Variants in POLK observed in about 807,000 individuals in gnomAD.
POLK encodes the protein polymerase (DNA directed) kappa.
A neutral mutation model predicts 94.0 loss-of-function variants in POLK; 76 were observed. That is an observed-to-expected ratio of 0.81 (90% CI 0.67 to 0.98). The LOEUF (loss-of-function observed/expected upper bound fraction) is 0.98, where lower values mean the gene tolerates loss of function less well. POLK is among the 50% of genes least tolerant of loss of function. The pLI is 0.00. For missense variants in POLK, 954 were observed against 1,010.1 expected, an observed-to-expected ratio of 0.94 and a Z score of 0.75; for synonymous variants, 349 against 325.4, an observed-to-expected ratio of 1.07 and a Z score of -0.78.
chr5:75,595,864 T>G (rs1234523314), intron 12 of POLK, among the ~76,000 whole-genome samples: 1 of 151,832 alleles, frequency 6.6e-6, no homozygotes, highest in African/African-American at 2.4e-5. Context: ...TACCTTCTGC[T>G]CAATTTTGCT....
intron 8 of POLK, 57 bp from the exon 9 acceptor site, chr5:75,584,703 C>A (rs1772371610): frequency 2.0e-6 from 2 of 1,019,602 alleles, no homozygotes; most frequent in Non-Finnish European, 2.8e-6. Flanking sequence ...AGGTTGTAAT[C>A]TCAATTTTTA....
chr5:75,554,953 C>T (rs1187220343), intron 3 of POLK, among the ~76,000 whole-genome samples: 9 of 152,224 alleles, frequency 5.9e-5, no homozygotes, highest in Admixed American at 3.9e-4. Flanking sequence ...GTGAATAGTG[C>T]TGCAGTGAAC....
chr5:75,597,220 T>A, intron 13 of POLK, 42 bp downstream of exon 13: 2 of 949,656 alleles, frequency 2.1e-6, no homozygotes, highest in South Asian at 1.6e-5. Context: ...TTTCTAGGAA[T>A]ATGTATTATT....
chr5:75,593,842 C>CATAA (rs757229723), intron 11 of POLK, 36 bp from the exon 12 acceptor site: 3 of 1,290,896 alleles, frequency 2.3e-6, no homozygotes, highest in Non-Finnish European at 2.2e-6. Flanking sequence ...GACCCTGTCT[C>CATAA]ATAAATAAAT....
intron 1 of POLK, among the ~76,000 whole-genome samples, chr5:75,526,847 T>C (rs1028216738): frequency 6.6e-6 from 1 of 152,222 alleles, no homozygotes; most frequent in South Asian, 2.1e-4. Context: ...TACCAAAGTG[T>C]TGGGGATATG....
At chr5:75,573,865 A>T (rs753966979) in exon 5 of POLK, 3 of 1,613,100 alleles carry the variant, frequency 1.9e-6, no homozygotes, top group Non-Finnish European at 2.5e-6. Context: ...GCTGTGAGTA[A>T]AGAGGTAAGT....
intron 1 of POLK, among the ~76,000 whole-genome samples, chr5:75,526,037 A>G (rs1176280816): frequency 1.3e-5 from 2 of 152,198 alleles, no homozygotes; most frequent in Admixed American, 6.5e-5. Flanking sequence ...AGCACTTAGT[A>G]TCTGCTTGGC....
chr5:75,553,813 G>C (rs543504158), intron 3 of POLK, among the ~76,000 whole-genome samples: 269 of 152,214 alleles, frequency 1.8e-3, no homozygotes, highest in African/African-American at 6.1e-3. Flanking sequence ...CTGTTTGCGA[G>C]TATATACACT....
Position 75,597,967 on chromosome 5 carries a change from GA to G in POLK, c.2566del (p.Ile856Ter). The G allele has an allele frequency of 6.6e-7, 1 of 1,504,562 alleles. No individual in the cohort carries two copies. Among genetic ancestry groups the G allele is most frequent in the Non-Finnish European group, 9.0e-7 (1 of 1,111,792 alleles). 93.2% of individuals were successfully genotyped at this position (1,504,562 alleles called of 1,614,324 possible). A position where few individuals can be genotyped will look rare whatever the true frequency, so the allele number is the denominator to read the frequency against. ...TGATGACAAAGTACTCAACATCAAAGAAAATAAAACCAAACAATCCCAAACA... is the reference window on the plus strand; with the variant it reads ...TGATGACAAAGTACTCAACATCAAAGAAATAAAACCAAACAATCCCAAACA... On this transcript the variant is annotated frameshift_variant, in exon 15 of 15. Transcript: ENST00000241436. LOFTEE classifies it high-confidence loss of function.
At chr5:75,566,868 A>G (rs1051388953) in intron 3 of POLK, among the ~76,000 whole-genome samples, 1 of 152,232 alleles carries the variant, frequency 6.6e-6, no homozygotes, top group Non-Finnish European at 1.5e-5. Context: ...GCAGTAGCAA[A>G]AGGAACAACG....
chr5:75,562,351 A>G (rs1321154035), intron 3 of POLK, among the ~76,000 whole-genome samples: 1 of 152,290 alleles, frequency 6.6e-6, no homozygotes, highest in Admixed American at 6.5e-5. Flanking sequence ...ATTTTTGCAT[A>G]TTGATTTGGT....
intron 4 of POLK, among the ~76,000 whole-genome samples, chr5:75,573,359 G>A (rs1299537200): frequency 6.6e-6 from 1 of 152,018 alleles, no homozygotes. Context: ...TCTGGGGATT[G>A]TTGTGTGGTG....
chr5:75,582,086 A>G (rs1772223197), intron 7 of POLK: 2 of 985,246 alleles, frequency 2.0e-6, no homozygotes, highest in Non-Finnish European at 2.4e-6. Flanking sequence ...AATCCTGTCC[A>G]AGATTACATT....
intron 10 of POLK, among the ~76,000 whole-genome samples, chr5:75,589,673 C>A (rs994997590): frequency 6.6e-6 from 1 of 152,104 alleles, no homozygotes; most frequent in African/African-American, 2.4e-5. Context: ...GGGAAGAGAA[C>A]TGAGTAGCTG....
chr5:75,609,640 C>G, the POLK span: 3 of 152,150 alleles, frequency 2.0e-5, no homozygotes, highest in African/African-American at 7.2e-5. Context: ...ATTATACTTT[C>G]CATATTAGTA....
chr5:75,577,926 G>T (rs1190087014), intron 6 of POLK, among the ~76,000 whole-genome samples: 2 of 152,068 alleles, frequency 1.3e-5, no homozygotes, highest in African/African-American at 4.8e-5. Context: ...AGAGCAAAAG[G>T]TTTTCCTTAT....
intron 12 of POLK, 50 bp downstream of exon 12, chr5:75,594,099 CAA>C: frequency 7.3e-7 from 1 of 1,377,192 alleles, no homozygotes; most frequent in Non-Finnish European, 1.0e-6. Context: ...TAGATTTTCC[CAA>C]ATAATCAACT....
At chr5:75,519,651 A>T (rs142754453) in intron 1 of POLK, among the ~76,000 whole-genome samples, 1 of 152,186 alleles carries the variant, frequency 6.6e-6, no homozygotes, top group East Asian at 1.9e-4. Context: ...CACTTTTTGG[A>T]GTCTTTGACT....
At chr5:75,512,350 A>G (rs368019147) in intron 1 of POLK, 31 of 152,262 alleles carry the variant, frequency 2.0e-4, no homozygotes, top group African/African-American at 7.0e-4. Context: ...TGTAGAAAGT[A>G]ATTTTGAGGT....
Sources: allele counts gnomAD v4.1 joint callset (sites outside exome capture counted in the v4.1 genomes callset), GRCh38; gene constraint gnomAD v4.1.1; transcripts MANE v1.5; gene names NCBI Gene and HGNC (gene_info 2026-07-23, HGNC 2026-07-21).